SPPL2A: variants seen among roughly 807,000 people sequenced by gnomAD.
SPPL2A encodes the protein signal peptide peptidase like 2A.
In SPPL2A, 51 loss-of-function variants were observed where a neutral mutation model predicts 63.8. The ratio of observed to expected loss-of-function variants is 0.80; its 90% CI spans 0.64 to 1.01. The LOEUF (loss-of-function observed/expected upper bound fraction) is 1.01. Ranked by LOEUF, SPPL2A falls within the 50% of genes least tolerant of loss-of-function variation. The pLI is 0.00. For missense variants in SPPL2A, 553 were observed against 622.7 expected (o/e 0.89, Z 1.19); for synonymous variants, 188 against 205.8 (o/e 0.91, Z 0.74).
At chr15:50,710,579 A>G (rs2062548294) in intron 14 of SPPL2A, among the ~76,000 whole-genome samples, 1 of 152,214 alleles carries the variant, frequency 6.6e-6, no homozygotes, top group Non-Finnish European at 1.5e-5. Flanking sequence ...TGGAAACAGG[A>G]AAGCTTGATT....
intron 6 of SPPL2A, among the ~76,000 whole-genome samples, chr15:50,737,555 C>T (rs1444629685): frequency 2.0e-5 from 3 of 152,026 alleles, no homozygotes; most frequent in East Asian, 1.9e-4. Context: ...CAGGCTTAAG[C>T]GACTCTCCTG....
At chr15:50,748,949 G>T in intron 2 of SPPL2A, 79 bp from the exon 3 acceptor site, 1 of 824,766 alleles carries the variant, frequency 1.2e-6, no homozygotes, top group Non-Finnish European at 1.8e-6. Context: ...TACTGCCTTT[G>T]GTTATCAATA....
intron 14 of SPPL2A, among the ~76,000 whole-genome samples, chr15:50,711,678 T>G (rs1463371003): frequency 6.6e-6 from 1 of 152,164 alleles, no homozygotes; most frequent in African/African-American, 2.4e-5. Context: ...ATGGAAAGAC[T>G]GCCAGGGGTA....
chr15:50,733,345 T>G (rs2062745110), intron 8 of SPPL2A, among the ~76,000 whole-genome samples: 1 of 152,218 alleles, frequency 6.6e-6, no homozygotes, highest in Admixed American at 6.5e-5. Flanking sequence ...ATTTTATTAA[T>G]AAACCATTAA....
intron 2 of SPPL2A, 92 bp from the exon 3 acceptor site, chr15:50,748,962 G>T: frequency 1.0e-5 from 7 of 693,646 alleles, no homozygotes; most frequent in South Asian, 2.6e-5. Context: ...TATCAATATT[G>T]GTTTAAGACA....
intron 12 of SPPL2A, 36 bp from the exon 13 acceptor site, chr15:50,722,237 A>G: frequency 4.4e-6 from 5 of 1,149,090 alleles, no homozygotes; most frequent in Non-Finnish European, 6.5e-6. Context: ...TTCTTAAAAC[A>G]ATAACAGCAA....
chr15:50,745,414 A>G (rs999122639), intron 5 of SPPL2A, among the ~76,000 whole-genome samples: 1 of 151,954 alleles, frequency 6.6e-6, no homozygotes, highest in African/African-American at 2.4e-5. Flanking sequence ...GCCTCCAAAG[A>G]GCTGGGATTA....
chr15:50,717,895 GCC>G (rs2062609558), intron 14 of SPPL2A, among the ~76,000 whole-genome samples: 1 of 151,136 alleles, frequency 6.6e-6, no homozygotes, highest in Non-Finnish European at 1.5e-5. Flanking sequence ...CATGGCACCT[GCC>G]GTAACTAATA....
intron 1 of SPPL2A, among the ~76,000 whole-genome samples, chr15:50,758,332 T>G (rs910141769): frequency 5.3e-5 from 8 of 151,094 alleles, no homozygotes; most frequent in African/African-American, 1.9e-4. Flanking sequence ...TATATCTTAA[T>G]GTTGCCTATT....
At chr15:50,719,385 C>T (rs985760082) in intron 14 of SPPL2A, among the ~76,000 whole-genome samples, 3 of 152,106 alleles carry the variant, frequency 2.0e-5, no homozygotes, top group African/African-American at 7.2e-5. Flanking sequence ...GCTGGGATTA[C>T]AGGCGCCTGC....
intron 8 of SPPL2A, among the ~76,000 whole-genome samples, chr15:50,733,521 GGATTAAAGACTTAAATCTAA>G (rs1275672147): frequency 1.3e-5 from 2 of 151,948 alleles, no homozygotes; most frequent in African/African-American, 4.8e-5. Flanking sequence ...AAATCAAAGT[GGATTAAAGACTTAAATCTAA>G]GACCTGAAAC....
At chr15:50,736,264 A>T in intron 7 of SPPL2A, 62 bp from the exon 8 acceptor site, 1 of 995,702 alleles carries the variant, frequency 1.0e-6, no homozygotes, top group Non-Finnish European at 1.6e-6. Context: ...TTGATATAAG[A>T]AGTAGCAAAT....
intron 1 of SPPL2A, among the ~76,000 whole-genome samples, chr15:50,761,671 C>T (rs949300790): frequency 6.6e-6 from 1 of 152,104 alleles, no homozygotes; most frequent in South Asian, 2.1e-4. Flanking sequence ...AGCGGTGGCT[C>T]ACGCCTGTAA....
chr15:50,718,222 C>T (rs2062614682), intron 14 of SPPL2A, among the ~76,000 whole-genome samples: 2 of 152,014 alleles, frequency 1.3e-5, no homozygotes, highest in Non-Finnish European at 2.9e-5. Context: ...CGTGATCCTC[C>T]CGCCTCAGCC....
intron 12 of SPPL2A, 136 bp downstream of exon 12, chr15:50,725,084 TG>T (rs2062675463): frequency 1.5e-6 from 1 of 654,138 alleles, no homozygotes; most frequent in South Asian, 1.9e-5. Context: ...CAAGCTTTTT[TG>T]TTATGACAAT....
In SPPL2A at chr15:50,765,472, T is replaced by C; in HGVS notation, c.62A>G (p.Gln21Arg). The C allele has an allele frequency of 6.7e-7, 1 of 1,503,420 alleles. No homozygotes were observed. Among genetic ancestry groups the C allele is most frequent in the Non-Finnish European group, 8.8e-7 (1 of 1,133,634 alleles). The allele number at this position is 1,503,420 out of a possible 1,614,324, so 93.1% of individuals were successfully genotyped here. Reference protein sequence around the residue: ...GAALLWGFLLQLTAAQEAILH... With the variant: ...GAALLWGFLLRLTAAQEAILH... ...CGCGCCTTCCCGCCCCCTTACCAGC[T>C]GGAGCAGGAAGCCCCAGAGTAGGGC... Residue 21 changes from glutamine to arginine, a missense_variant, in exon 1 of 15, where the codon CAG (glutamine) becomes CGG (arginine). Coordinates refer to ENST00000261854, the MANE Select transcript of SPPL2A (RefSeq NM_032802.4).
At chr15:50,713,473 C>T (rs2062576194) in intron 14 of SPPL2A, among the ~76,000 whole-genome samples, 2 of 151,910 alleles carry the variant, frequency 1.3e-5, no homozygotes, top group African/African-American at 2.4e-5. Context: ...CCATATTGGT[C>T]AGACTAGTCT....
intron 14 of SPPL2A, among the ~76,000 whole-genome samples, chr15:50,717,179 G>GT (rs1014429917): frequency 2.9e-4 from 44 of 152,104 alleles, no homozygotes; most frequent in African/African-American, 9.9e-4. Flanking sequence ...TTTTGTTTGT[G>GT]TTTTTGTTTT....
chr15:50,704,670 A>G lies in SPPL2A; in HGVS notation c.*3130T>C, dbSNP rs772638390. 7 of 152,130 alleles carry G rather than the reference A, an allele frequency of 4.6e-5. No homozygotes were observed. The highest frequency in any genetic ancestry group is 7.4e-5 in the Non-Finnish European group (5 of 68,010). The allele number at this position is 152,130 out of a possible 1,614,324, so 9.4% of individuals were successfully genotyped here. A position where few individuals can be genotyped will look rare whatever the true frequency, so the allele number is the denominator to read the frequency against. On this transcript the variant is annotated 3_prime_UTR_variant, in exon 15 of 15. Coordinates refer to ENST00000261854, the MANE Select transcript of SPPL2A (RefSeq NM_032802.4). ...GAGAGGAAGAGATGGCAGCTTTTTAAGTGAAATTTTAATCTTATCTATCTT... is the reference window on the plus strand; with the variant it reads ...GAGAGGAAGAGATGGCAGCTTTTTAGGTGAAATTTTAATCTTATCTATCTT...
Sources: allele counts gnomAD v4.1 joint callset (sites outside exome capture counted in the v4.1 genomes callset), GRCh38; gene constraint gnomAD v4.1.1; transcripts MANE v1.5; gene names NCBI Gene and HGNC (gene_info 2026-07-23, HGNC 2026-07-21).